The following MACROD2 variants were observed in gnomAD, a reference collection of about 807,000 sequenced individuals.
MACROD2 encodes the protein mono-ADP ribosylhydrolase 2.
MACROD2 carries 36 observed loss-of-function variants against 70.4 expected under a neutral mutation model. The observed-to-expected ratio is 0.51, with a 90% CI of 0.39 to 0.68. MACROD2 has a LOEUF of 0.68. Ranked by LOEUF, MACROD2 falls within the 30% of genes least tolerant of loss-of-function variation. MACROD2 has a pLI of 0.00. For synonymous variants in MACROD2, 172 were observed against 178.8 expected (o/e 0.96, Z 0.30); for missense variants, 496 against 538.4 (o/e 0.92, Z 0.78).
chr20:14,308,385 G>T (rs933117736), intron 3 of MACROD2, among the ~76,000 whole-genome samples: 2 of 152,084 alleles, frequency 1.3e-5, no homozygotes, highest in African/African-American at 2.4e-5. Flanking sequence ...GATTAAAACA[G>T]CTTCCATCTT....
intron 3 of MACROD2, among the ~76,000 whole-genome samples, chr20:14,187,169 G>C (rs1204648368): frequency 1.3e-5 from 2 of 148,632 alleles, no homozygotes; most frequent in African/African-American, 2.5e-5. Flanking sequence ...AAATGTGGTA[G>C]ATGTGTTCAT....
Position 14,538,590 on chromosome 20 carries a change from C to T in MACROD2, c.301+45082C>T, listed in dbSNP as rs577306530. 4.2e-4 allele frequency among the ~76,000 whole-genome samples: 64 copies of T among 152,168 alleles called. 1 individual carries two copies. Among genetic ancestry groups the T allele is most frequent in the Admixed American group, 1.5e-3 (23 of 15,276 alleles). ...CTAGTCTTCACCTCCCACCTCTCTA[C>T]GCATGACTCTCTCAGCTCTAACCAC... On this transcript the variant is annotated intron_variant, in intron 4 of 17. Transcript: ENST00000684519.
At chr20:15,141,211 T>C (rs1196884476) in intron 5 of MACROD2, among the ~76,000 whole-genome samples, 1 of 152,046 alleles carries the variant, frequency 6.6e-6, no homozygotes, top group East Asian at 1.9e-4. Context: ...CATATAGATA[T>C]ACATGTGTTT....
intron 15 of MACROD2, among the ~76,000 whole-genome samples, chr20:15,989,432 T>C (rs2066528195): frequency 6.6e-6 from 1 of 152,162 alleles, no homozygotes; most frequent in South Asian, 2.1e-4. Flanking sequence ...GGCATTTCTC[T>C]CCATTCATAA....
intron 4 of MACROD2, among the ~76,000 whole-genome samples, chr20:14,652,841 A>G (rs1235256970): frequency 6.6e-6 from 1 of 152,194 alleles, no homozygotes; most frequent in Non-Finnish European, 1.5e-5. Flanking sequence ...CTGGGAAAGA[A>G]TTAGGATTTA....
chr20:14,211,152 C>G (rs572293811), intron 3 of MACROD2, among the ~76,000 whole-genome samples: 3 of 152,300 alleles, frequency 2.0e-5, no homozygotes, highest in African/African-American at 7.2e-5. Flanking sequence ...TAATACTGTT[C>G]TATCAGGAAA....
intron 4 of MACROD2, among the ~76,000 whole-genome samples, chr20:14,629,491 C>T (rs1223058754): frequency 6.6e-6 from 1 of 152,070 alleles, no homozygotes; most frequent in African/African-American, 2.4e-5. Flanking sequence ...TCATGAATTG[C>T]AATATTTACT....
At chr20:15,275,536 G>A (rs1408483236) in intron 6 of MACROD2, among the ~76,000 whole-genome samples, 1 of 152,166 alleles carries the variant, frequency 6.6e-6, no homozygotes, top group African/African-American at 2.4e-5. Flanking sequence ...CAAATTTACT[G>A]CATGTGAAGA....
intron 2 of MACROD2, among the ~76,000 whole-genome samples, 160 bp from the exon 3 acceptor site, chr20:14,085,461 A>G (rs2054064923): frequency 6.6e-6 from 1 of 152,162 alleles, no homozygotes; most frequent in African/African-American, 2.4e-5. Flanking sequence ...TACAAAATAG[A>G]GAATAAACCA....
chr20:14,626,057 C>G (rs969520702), intron 4 of MACROD2, among the ~76,000 whole-genome samples: 1 of 152,142 alleles, frequency 6.6e-6, no homozygotes, highest in Non-Finnish European at 1.5e-5. Flanking sequence ...AACTTGTGAC[C>G]TCGTGATCTG....
chr20:15,805,454 G>A (rs2063760529), intron 8 of MACROD2, among the ~76,000 whole-genome samples: 1 of 151,626 alleles, frequency 6.6e-6, no homozygotes, highest in Admixed American at 6.6e-5. Context: ...TGGAGAGGAG[G>A]TTAAAATGAA....
At chr20:14,486,481 T>A in intron 3 of MACROD2, among the ~76,000 whole-genome samples, 1 of 148,236 alleles carries the variant, frequency 6.7e-6, no homozygotes. Context: ...TTTTGAGGAG[T>A]AAACAGGAGC....
At chr20:15,229,093 C>T (rs535061338) in intron 5 of MACROD2, among the ~76,000 whole-genome samples, 2 of 152,234 alleles carry the variant, frequency 1.3e-5, no homozygotes, top group East Asian at 1.9e-4. Flanking sequence ...TTGATTAAAA[C>T]GTGGGGTTTT....
intron 5 of MACROD2, among the ~76,000 whole-genome samples, chr20:15,066,450 T>C (rs2075576112): frequency 6.6e-6 from 1 of 152,034 alleles, no homozygotes; most frequent in South Asian, 2.1e-4. Flanking sequence ...AGCTGCTGCT[T>C]AAGACCTAAG....
intron 8 of MACROD2, among the ~76,000 whole-genome samples, chr20:15,738,345 A>G (rs145308213): frequency 7.0e-4 from 106 of 152,336 alleles, no homozygotes; most frequent in Non-Finnish European, 6.8e-4. Flanking sequence ...AAAGTGAGAC[A>G]GAAGTAAAGA....
intron 8 of MACROD2, among the ~76,000 whole-genome samples, chr20:15,727,234 A>G (rs2050877962): frequency 6.6e-6 from 1 of 152,090 alleles, no homozygotes; most frequent in Admixed American, 6.5e-5. Flanking sequence ...TAACTTAACA[A>G]AAACAGATGG....
intron 5 of MACROD2, among the ~76,000 whole-genome samples, chr20:15,029,316 G>T (rs1191162016): frequency 6.6e-6 from 1 of 152,064 alleles, no homozygotes; most frequent in East Asian, 1.9e-4. Context: ...TTGTATTTCT[G>T]CAGTGTCTCA....
intron 3 of MACROD2, among the ~76,000 whole-genome samples, chr20:14,239,193 A>G (rs1052322109): frequency 6.6e-6 from 1 of 152,200 alleles, no homozygotes; most frequent in Non-Finnish European, 1.5e-5. Context: ...TACAGTGAGA[A>G]TTACAAAACA....
chr20:14,633,908 A>G (rs1360374572), intron 4 of MACROD2, among the ~76,000 whole-genome samples: 4 of 152,174 alleles, frequency 2.6e-5, no homozygotes, highest in Non-Finnish European at 4.4e-5. Flanking sequence ...TATTCCTGAA[A>G]CACTACCATG....
Sources: gnomAD v4.1 joint callset for allele counts (sites outside exome capture counted in the v4.1 genomes callset) on GRCh38, gnomAD v4.1.1 for gene constraint, MANE v1.5 for transcripts, NCBI Gene and HGNC (gene_info 2026-07-23, HGNC 2026-07-21) for gene names.